Variants in GREM2 observed in about 807,000 individuals in gnomAD.
GREM2 encodes gremlin 2, DAN family BMP antagonist, also known as gremlin-2.
A neutral mutation model predicts 14.2 loss-of-function variants in GREM2; 11 were observed. That is an observed-to-expected ratio of 0.78 (90% confidence interval 0.49 to 1.28). The LOEUF (loss-of-function observed/expected upper bound fraction) is 1.28, where lower values mean the gene tolerates loss of function less well. Among genes scored for constraint, GREM2 ranks in the 50% most tolerant of loss-of-function variants. The probability of loss-of-function intolerance (pLI) is 0.00; values close to 1 mark genes in which losing one functional copy is unlikely to be tolerated. For synonymous variants in GREM2, 98 were observed against 97.6 expected (o/e 1.00, Z -0.02); for missense variants, 210 against 218.5 (o/e 0.96, Z 0.24).
At chr1:240,506,480 A>C (rs1408784283) in intron 1 of GREM2, among the ~76,000 whole-genome samples, 1 of 152,138 alleles carries the variant, frequency 6.6e-6, no homozygotes. Context: ...AATTCAGACA[A>C]ATTAGAGTGC....
At chr1:240,504,925 G>T (rs1304608602) in intron 1 of GREM2, among the ~76,000 whole-genome samples, 4 of 152,066 alleles carry the variant, frequency 2.6e-5, no homozygotes, top group Admixed American at 2.0e-4. Flanking sequence ...TATAATAGAT[G>T]ATATAGTTTG....
At chr1:240,562,945 A>AGT (rs1333434293) in intron 1 of GREM2, among the ~76,000 whole-genome samples, 2 of 105,656 alleles carry the variant, frequency 1.9e-5, no homozygotes, top group Non-Finnish European at 3.7e-5. Flanking sequence ...TGAGTGTGTG[A>AGT]GTGTGTATGT....
At chr1:240,550,170 G>A (rs2103337172) in intron 1 of GREM2, among the ~76,000 whole-genome samples, 1 of 152,180 alleles carries the variant, frequency 6.6e-6, no homozygotes, top group Non-Finnish European at 1.5e-5. Flanking sequence ...TTACAAGCAT[G>A]GGCCACCATG....
chr1:240,556,995 C>A (rs1678961482), intron 1 of GREM2, among the ~76,000 whole-genome samples: 1 of 149,462 alleles, frequency 6.7e-6, no homozygotes, highest in South Asian at 2.1e-4. Context: ...CATGGTGAAA[C>A]CCCGTCTCTA....
chr1:240,593,643 T>C (rs16840426), intron 1 of GREM2, among the ~76,000 whole-genome samples: 4,229 of 152,308 alleles, frequency 0.028, 183 homozygotes, highest in African/African-American at 0.098. Context: ...AAGTCACCTT[T>C]GTGTGTTGCA....
At chr1:240,503,563 CTT>C (rs1279401819) in intron 1 of GREM2, among the ~76,000 whole-genome samples, 2 of 152,302 alleles carry the variant, frequency 1.3e-5, no homozygotes, top group East Asian at 3.9e-4. Context: ...CTTCTGCAAT[CTT>C]TGTCTTCTTC....
intron 1 of GREM2, among the ~76,000 whole-genome samples, chr1:240,598,156 A>G (rs908734648): frequency 6.6e-6 from 1 of 152,210 alleles, no homozygotes. Context: ...AGGAATATTT[A>G]ATGCAAGAAT....
At chr1:240,589,445 GAAAAAAA>G (rs549844568) in intron 1 of GREM2, among the ~76,000 whole-genome samples, 1 of 114,978 alleles carries the variant, frequency 8.7e-6, no homozygotes, top group Admixed American at 8.6e-5. Context: ...CAGAAAAAAA[GAAAAAAA>G]AAAGAAAAAA....
chr1:240,547,499 CAA>C (rs200373636), intron 1 of GREM2, among the ~76,000 whole-genome samples: 1,115 of 87,460 alleles, frequency 0.013, 5 homozygotes, highest in South Asian at 0.025. Context: ...GACTCCATCT[CAA>C]AAAAAAAAAA....
chr1:240,537,469 G>A (rs1441580071), intron 1 of GREM2, among the ~76,000 whole-genome samples: 1 of 152,014 alleles, frequency 6.6e-6, no homozygotes, highest in East Asian at 1.9e-4. Context: ...AAAAAGAGGG[G>A]GAAAGGAGTT....
intron 1 of GREM2, among the ~76,000 whole-genome samples, chr1:240,556,825 G>A (rs376645094): frequency 6.6e-6 from 1 of 152,152 alleles, no homozygotes; most frequent in Non-Finnish European, 1.5e-5. Context: ...GGAGAAAAAT[G>A]CTTTTTTTAA....
At chr1:240,530,549 AG>A (rs1678331113) in intron 1 of GREM2, 1 of 152,110 alleles carries the variant, frequency 6.6e-6, no homozygotes, top group African/African-American at 2.4e-5. Context: ...ATGAAAAGAA[AG>A]GTATCTTAAA....
At chr1:240,514,372 G>A (rs1677904519) in intron 1 of GREM2, among the ~76,000 whole-genome samples, 1 of 151,906 alleles carries the variant, frequency 6.6e-6, no homozygotes, top group African/African-American at 2.4e-5. Context: ...GTCTCAGGCA[G>A]AACTCAAGGG....
At chr1:240,533,324 T>G (rs952748636) in intron 1 of GREM2, among the ~76,000 whole-genome samples, 1 of 152,158 alleles carries the variant, frequency 6.6e-6, no homozygotes, top group Non-Finnish European at 1.5e-5. Flanking sequence ...CAGATCAGTT[T>G]AGCGGTCTGT....
chr1:240,560,793 C>T (rs1572398976), intron 1 of GREM2, among the ~76,000 whole-genome samples: 1 of 152,194 alleles, frequency 6.6e-6, no homozygotes, highest in Non-Finnish European at 1.5e-5. Context: ...AAGGCAGTGT[C>T]TCTAGCCGTA....
intron 1 of GREM2, among the ~76,000 whole-genome samples, chr1:240,574,303 C>T (rs144668382): frequency 6.6e-6 from 1 of 152,160 alleles, no homozygotes; most frequent in East Asian, 1.9e-4. Flanking sequence ...GAAAGAAAAA[C>T]ATCAATAATG....
chr1:240,552,138 G>A (rs1397004886), intron 1 of GREM2, among the ~76,000 whole-genome samples: 1 of 152,178 alleles, frequency 6.6e-6, no homozygotes, highest in Admixed American at 6.5e-5. Flanking sequence ...ATAAGTGATG[G>A]TGAGATGATA....
intron 1 of GREM2, among the ~76,000 whole-genome samples, chr1:240,574,095 G>T (rs1255047078): frequency 6.6e-6 from 1 of 151,660 alleles, no homozygotes; most frequent in Non-Finnish European, 1.5e-5. Flanking sequence ...TAATTTTTTT[G>T]AATTTTAGTA....
intron 1 of GREM2, among the ~76,000 whole-genome samples, chr1:240,519,679 G>A (rs998013052): frequency 2.6e-5 from 4 of 151,894 alleles, no homozygotes; most frequent in African/African-American, 9.7e-5. Context: ...CTCTGTACTG[G>A]GGATAAAAAG....
Sources: allele counts gnomAD v4.1 joint callset (sites outside exome capture counted in the v4.1 genomes callset), GRCh38; gene constraint gnomAD v4.1.1; transcripts MANE v1.5; gene names NCBI Gene and HGNC (gene_info 2026-07-23, HGNC 2026-07-21).